Variants in HVCN1 observed in about 807,000 individuals in gnomAD.
HVCN1 encodes voltage-gated hydrogen channel 1.
Under a neutral mutation model 29.2 loss-of-function variants are expected in HVCN1, and 14 were observed. That is an observed-to-expected ratio of 0.48 (90% confidence interval 0.32 to 0.75). The LOEUF is 0.75. Among genes scored for constraint, HVCN1 ranks in the 30% least tolerant of loss-of-function variants. The pLI is 0.04. For synonymous variants in HVCN1, 131 were observed against 133.2 expected (o/e 0.98, Z 0.11); for missense variants, 263 against 341.8 (o/e 0.77, Z 1.82).
intron 2 of HVCN1, among the ~76,000 whole-genome samples, chr12:110,699,251 G>A (rs1436090869): frequency 6.6e-6 from 1 of 152,214 alleles, no homozygotes; most frequent in Non-Finnish European, 1.5e-5. Context: ...CGTGTTCTCG[G>A]CACACTCGCT....
chr12:110,685,843 C>T (rs939536380), intron 2 of HVCN1, among the ~76,000 whole-genome samples: 4 of 152,026 alleles, frequency 2.6e-5, no homozygotes, highest in African/African-American at 7.2e-5. Context: ...GCACACACTA[C>T]CAAGTCCAGC....
At chr12:110,690,152 T>G (rs2069371638), upstream of HVCN1, among the ~76,000 whole-genome samples, 1 of 152,208 alleles carries the variant, frequency 6.6e-6, no homozygotes, top group Admixed American at 6.5e-5. Flanking sequence ...GTGTGTTCCT[T>G]GCTTTTCCCG....
In HVCN1 at chr12:110,677,206, T is replaced by C. The variant is rs1386422270; in HGVS notation, c.21+6019A>G. 2.8e-5 allele frequency among the ~76,000 whole-genome samples: 4 copies of C among 144,230 alleles called. No homozygotes were observed. In the East Asian group the frequency reaches 8.0e-4, roughly 29 times the overall value. The allele number at this position is 144,230 out of a possible 152,430, so 94.6% of individuals were successfully genotyped here. On this transcript the variant is annotated intron_variant, in intron 3 of 7. Transcript: ENST00000242607. Reference sequence around the variant, plus strand: ...GGTGATACAGCAAGACCTTGTCTGTTAAAAAAAAAAAAGACATCAATGCCT... The same window carrying C: ...GGTGATACAGCAAGACCTTGTCTGTCAAAAAAAAAAAAGACATCAATGCCT...
chr12:110,683,079 C>G, intron 3 of HVCN1, 146 bp downstream of exon 3: 1 of 1,123,688 alleles, frequency 8.9e-7, no homozygotes, highest in East Asian at 2.4e-5. Flanking sequence ...CCTTTTACAG[C>G]TTTTCATCAT....
In HVCN1 at chr12:110,661,036, A is replaced by G; in HGVS notation, c.306+128T>C. ...CGGTACAGGGTCCCCGGCACGTGGT[A>G]GGTGCTGGGCAAACACTCGTAGAAT... is the stretch of plus-strand genomic sequence containing the variant. On this transcript the variant is annotated intron_variant, in intron 4 of 7. Transcript: ENST00000242607. This position sits in a 1 kb window ranked among gnomAD's most constrained non-coding sequence, Gnocchi z 6.2. The G allele has an allele frequency of 2.3e-6, 2 of 863,682 alleles. No individual in the cohort carries two copies. The allele number at this position is 863,682 out of a possible 1,614,324, so 53.5% of individuals were successfully genotyped here.
At chr12:110,680,583 C>A (rs1237693852) in intron 3 of HVCN1, among the ~76,000 whole-genome samples, 1 of 152,178 alleles carries the variant, frequency 6.6e-6, no homozygotes, top group African/African-American at 2.4e-5. Flanking sequence ...ACCCATCTAC[C>A]TCTTTCTCTC....
chr12:110,669,401 A>G (rs898593896), intron 3 of HVCN1, among the ~76,000 whole-genome samples: 9 of 151,770 alleles, frequency 5.9e-5, no homozygotes, highest in Non-Finnish European at 7.4e-5. Flanking sequence ...CATGCCCACA[A>G]CTGCCTTCAG....
upstream of HVCN1, among the ~76,000 whole-genome samples, chr12:110,692,267 G>A (rs574922018): frequency 2.0e-5 from 3 of 152,290 alleles, no homozygotes; most frequent in African/African-American, 4.8e-5. Flanking sequence ...ATTTGCAATC[G>A]ATGTGATTGT....
chr12:110,657,224 T>C (rs1186084281), intron 4 of HVCN1, among the ~76,000 whole-genome samples: 1 of 152,142 alleles, frequency 6.6e-6, no homozygotes, highest in African/African-American at 2.4e-5. Flanking sequence ...CCGGACACGG[T>C]GGCTCATGCC....
At chr12:110,655,415 T>C in intron 4 of HVCN1, 77 bp from the exon 5 acceptor site, 1 of 1,155,144 alleles carries the variant, frequency 8.7e-7, no homozygotes, top group Non-Finnish European at 1.3e-6. Flanking sequence ...AAGAGCTGGC[T>C]TGGAAGCACG....
At chr12:110,679,634 A>T (rs1239567699) in intron 3 of HVCN1, among the ~76,000 whole-genome samples, 1 of 152,022 alleles carries the variant, frequency 6.6e-6, no homozygotes, top group Non-Finnish European at 1.5e-5. Flanking sequence ...CGGGTGGATC[A>T]TGAGGTCAGG....
chr12:110,667,051 G>A (rs542985163), intron 3 of HVCN1, among the ~76,000 whole-genome samples: 11 of 152,204 alleles, frequency 7.2e-5, no homozygotes, highest in Non-Finnish European at 1.0e-4. Context: ...GGCTCATCTC[G>A]GCCGGACCAA....
chr12:110,671,593 C>T (rs2068579072), intron 3 of HVCN1, among the ~76,000 whole-genome samples: 1 of 152,174 alleles, frequency 6.6e-6, no homozygotes, highest in East Asian at 1.9e-4. Context: ...CCACAGGCAA[C>T]CAGGACAGAG....
At chr12:110,671,763 G>A (rs1053557064) in intron 3 of HVCN1, among the ~76,000 whole-genome samples, 6 of 152,236 alleles carry the variant, frequency 3.9e-5, no homozygotes, top group Admixed American at 6.5e-5. Context: ...CAACAACAGC[G>A]ACAGCGGCTC....
chr12:110,680,190 G>T (rs2068909154), intron 3 of HVCN1, among the ~76,000 whole-genome samples: 2 of 152,062 alleles, frequency 1.3e-5, no homozygotes, highest in South Asian at 4.2e-4. Flanking sequence ...TCTTTCCCCA[G>T]CCCCCCAGCA....
At chr12:110,683,416 G>A (rs2069058966) in intron 2 of HVCN1, 152 bp from the exon 3 acceptor site, 1 of 841,442 alleles carries the variant, frequency 1.2e-6, no homozygotes, top group African/African-American at 1.8e-5. Flanking sequence ...ATATGTAGGA[G>A]GGCATACATC....
At chr12:110,682,591 C>T (rs1249315922) in intron 3 of HVCN1, 1 of 154,244 alleles carries the variant, frequency 6.5e-6, no homozygotes, top group African/African-American at 2.4e-5. Context: ...CAGTACTTGC[C>T]TAACATTCTG....
At chr12:110,693,840 T>C (rs1015641650), upstream of HVCN1, among the ~76,000 whole-genome samples, 5 of 152,172 alleles carry the variant, frequency 3.3e-5, no homozygotes, top group African/African-American at 1.2e-4. Context: ...AACATTACTC[T>C]TGGAAGAGGT....
intron 2 of HVCN1, among the ~76,000 whole-genome samples, chr12:110,700,960 C>A (rs944120281): frequency 6.6e-6 from 1 of 152,242 alleles, no homozygotes; most frequent in African/African-American, 2.4e-5. Flanking sequence ...GTGGAGAAGT[C>A]TCAGCTGGGA....
Sources: gnomAD v4.1 joint callset for allele counts (sites outside exome capture counted in the v4.1 genomes callset) on GRCh38, gnomAD v4.1.1 for gene constraint, Gnocchi (gnomAD v3.1) non-coding constraint, MANE v1.5 for transcripts, NCBI Gene and HGNC (gene_info 2026-07-23, HGNC 2026-07-21) for gene names.